The following SKAP2 variants were observed in gnomAD, a reference collection of about 807,000 sequenced individuals.
The protein encoded by SKAP2 is src kinase-associated phosphoprotein 2.
In SKAP2, 28 loss-of-function variants were observed where a neutral mutation model predicts 54.9. That is an observed-to-expected ratio of 0.51 (90% CI 0.38 to 0.70). The LOEUF (loss-of-function observed/expected upper bound fraction) is 0.70, where lower values mean the gene tolerates loss of function less well. SKAP2 is among the 30% of genes least tolerant of loss of function. The pLI is 0.00. For missense variants in SKAP2, 356 were observed against 424.1 expected (o/e 0.84, Z 1.41); for synonymous variants, 137 against 134.3 (o/e 1.02, Z -0.14).
chr7:26,780,703 TA>T (rs1439710689), intron 4 of SKAP2, among the ~76,000 whole-genome samples: 1 of 152,092 alleles, frequency 6.6e-6, no homozygotes, highest in Non-Finnish European at 1.5e-5. Flanking sequence ...TACACATAGA[TA>T]AACACAGAAC....
intron 10 of SKAP2, among the ~76,000 whole-genome samples, chr7:26,686,902 G>A (rs1312742616): frequency 1.3e-5 from 2 of 152,064 alleles, no homozygotes; most frequent in Non-Finnish European, 2.9e-5. Context: ...CGTTCCCCAT[G>A]CTGCTCAGCC....
chr7:26,854,763 A>T (rs148959669), intron 2 of SKAP2, 22 bp downstream of exon 2: 1 of 1,568,296 alleles, frequency 6.4e-7, no homozygotes, highest in African/African-American at 1.4e-5. Context: ...AGAAATCAGT[A>T]AACAAAAGGT....
chr7:26,835,549 A>G (rs1395520660), intron 4 of SKAP2, among the ~76,000 whole-genome samples: 1 of 152,170 alleles, frequency 6.6e-6, no homozygotes, highest in African/African-American at 2.4e-5. Flanking sequence ...ATACACCAAT[A>G]ATAGACAAAC....
chr7:26,748,021 ACG>A (rs1304765113), intron 4 of SKAP2, among the ~76,000 whole-genome samples: 5 of 152,176 alleles, frequency 3.3e-5, no homozygotes, highest in African/African-American at 9.7e-5. Context: ...ATTATATGAC[ACG>A]GAGTCCAATT....
At chr7:26,769,241 G>A (rs534315723) in intron 4 of SKAP2, among the ~76,000 whole-genome samples, 4 of 151,982 alleles carry the variant, frequency 2.6e-5, no homozygotes, top group East Asian at 1.9e-4. Context: ...CTGCTTAATC[G>A]ATTTGGCTAT....
intron 9 of SKAP2, among the ~76,000 whole-genome samples, chr7:26,701,726 A>AAAATAAAT (rs869050926): frequency 2.3e-3 from 287 of 126,832 alleles, no homozygotes; most frequent in African/African-American, 5.6e-3. Context: ...CTTCGTCTCA[A>AAAATAAAT]AAATAAATAA....
rs1787804645 is a variant in SKAP2, at chr7:26,730,645, T to C, written c.470-3639A>G. On this transcript the variant is annotated intron_variant, in intron 6 of 12. Transcript: ENST00000345317. Reference sequence around the variant, plus strand: ...TCACACTTTAACCTAACCTCTATCATGCTGTTTGAATGTAATGTCTACAGA... The same window carrying C: ...TCACACTTTAACCTAACCTCTATCACGCTGTTTGAATGTAATGTCTACAGA... Among the ~76,000 whole-genome samples, 4 of 152,346 alleles carry C rather than the reference T, an allele frequency of 2.6e-5. No individual in the cohort carries two copies. In the South Asian group the frequency reaches 8.3e-4, roughly 32 times the overall value.
chr7:26,789,841 T>C (rs1487721879), intron 4 of SKAP2, among the ~76,000 whole-genome samples: 3 of 152,194 alleles, frequency 2.0e-5, no homozygotes, highest in Non-Finnish European at 4.4e-5. Flanking sequence ...TCATCCTTCA[T>C]TCCTCCTAAG....
chr7:26,840,504 T>A (rs577647380), intron 4 of SKAP2, among the ~76,000 whole-genome samples: 1 of 152,230 alleles, frequency 6.6e-6, no homozygotes, highest in South Asian at 2.1e-4. Context: ...CTACTCTATA[T>A]CTACCCACCT....
intron 1 of SKAP2, 27 bp from the exon 2 acceptor site, chr7:26,854,917 A>T (rs762699568): frequency 2.1e-6 from 3 of 1,461,100 alleles, no homozygotes; most frequent in Non-Finnish European, 2.8e-6. Context: ...AAGAAACAGG[A>T]TACAAATTAT....
At chr7:26,740,473 A>T (rs1314498418) in intron 4 of SKAP2, among the ~76,000 whole-genome samples, 2 of 152,196 alleles carry the variant, frequency 1.3e-5, no homozygotes, top group Non-Finnish European at 2.9e-5. Context: ...TGTTATGGAC[A>T]TTCCACTGAG....
chr7:26,748,114 T>C (rs1031219317), intron 4 of SKAP2, among the ~76,000 whole-genome samples: 1 of 152,168 alleles, frequency 6.6e-6, no homozygotes, highest in African/African-American at 2.4e-5. Flanking sequence ...ACTATCTTAT[T>C]ACATATCTGA....
At position 26,677,763 on chromosome 7, in the gene SKAP2, A is replaced by G. The variant is rs117973101; in HGVS notation, c.987+6973T>C. Among the ~76,000 whole-genome samples, 722 of 152,354 alleles carry G rather than the reference A, an allele frequency of 4.7e-3. 2 individuals carry two copies. Among genetic ancestry groups the G allele is most frequent in the Non-Finnish European group, 6.9e-3 (467 of 68,038 alleles). ...TTCGACTTAATTGCAGTCTCCTTGAATAACAGTTTGTGGCTTTTCTGGATC... is the reference window on the plus strand; with the variant it reads ...TTCGACTTAATTGCAGTCTCCTTGAGTAACAGTTTGTGGCTTTTCTGGATC... On this transcript the variant is annotated intron_variant, in intron 11 of 12. Coordinates refer to ENST00000345317, the MANE Select transcript of SKAP2 (RefSeq NM_003930.5).
chr7:26,737,940 C>T (rs1008618167), intron 6 of SKAP2, among the ~76,000 whole-genome samples: 1 of 152,102 alleles, frequency 6.6e-6, no homozygotes, highest in African/African-American at 2.4e-5. Context: ...TAACCATATT[C>T]TCTAGGTTAA....
chr7:26,689,983 A>G (rs1007496856), intron 10 of SKAP2, among the ~76,000 whole-genome samples: 3 of 152,224 alleles, frequency 2.0e-5, no homozygotes, highest in African/African-American at 7.2e-5. Flanking sequence ...CACTTCCTCA[A>G]TGATGATAAG....
Position 26,854,772 on chromosome 7 carries a change from G to C in SKAP2, c.173+13C>G, listed in dbSNP as rs756651847. Reference sequence around the variant, plus strand: ...TATGTAAGAAATCAGTAAACAAAAGGTAAGTGACTTACATAGACTTTACAT... The same window carrying C: ...TATGTAAGAAATCAGTAAACAAAAGCTAAGTGACTTACATAGACTTTACAT... On this transcript the variant is annotated intron_variant, in intron 2 of 12. Coordinates refer to ENST00000345317, the MANE Select transcript of SKAP2 (RefSeq NM_003930.5). 7 of 1,578,268 alleles carry C rather than the reference G, an allele frequency of 4.4e-6. No homozygotes were observed. In the South Asian group the frequency reaches 8.0e-5, roughly 18 times the overall value.
intron 4 of SKAP2, among the ~76,000 whole-genome samples, chr7:26,789,772 ACAGT>A (rs1038564731): frequency 1.1e-4 from 16 of 152,306 alleles, no homozygotes; most frequent in Admixed American, 3.3e-4. Flanking sequence ...ATAATTTTGT[ACAGT>A]CAAAGTTGAC....
intron 4 of SKAP2, among the ~76,000 whole-genome samples, chr7:26,824,543 A>G (rs1201334526): frequency 6.7e-6 from 1 of 150,182 alleles, no homozygotes; most frequent in Admixed American, 6.7e-5. Flanking sequence ...TTGGCCTATC[A>G]GTTTGAGACC....
chr7:26,815,528 C>A (rs1784247742), intron 4 of SKAP2, among the ~76,000 whole-genome samples: 1 of 152,088 alleles, frequency 6.6e-6, no homozygotes, highest in African/African-American at 2.4e-5. Flanking sequence ...AACAATATGA[C>A]AAACTCAGTA....
Sources: allele counts gnomAD v4.1 joint callset (sites outside exome capture counted in the v4.1 genomes callset), GRCh38; gene constraint gnomAD v4.1.1; transcripts MANE v1.5; gene names NCBI Gene and HGNC (gene_info 2026-07-23, HGNC 2026-07-21).